CMTM8: variants seen among roughly 807,000 people sequenced by gnomAD.
The protein encoded by CMTM8 is CKLF like MARVEL transmembrane domain containing 8, also known as CKLF-like MARVEL transmembrane domain-containing protein 8.
CMTM8 carries 12 observed loss-of-function variants against 18.6 expected under a neutral mutation model. That is an observed-to-expected ratio of 0.65 (90% CI 0.41 to 1.05). CMTM8 has a LOEUF of 1.05. Ranked by LOEUF, CMTM8 falls within the 50% of genes least tolerant of loss-of-function variation. The pLI, the probability that CMTM8 is intolerant of heterozygous loss-of-function variation, is 0.00. For missense variants in CMTM8, 217 were observed against 227.2 expected, an observed-to-expected ratio of 0.95 and a Z score of 0.29; for synonymous variants, 87 against 90.6, an observed-to-expected ratio of 0.96 and a Z score of 0.23.
chr3:32,344,341 T>C (rs573678348), intron 1 of CMTM8, among the ~76,000 whole-genome samples: 122 of 152,304 alleles, frequency 8.0e-4, no homozygotes, highest in African/African-American at 2.7e-3. Flanking sequence ...GAGTACATTT[T>C]CAATAATGGT....
intron 1 of CMTM8, among the ~76,000 whole-genome samples, chr3:32,290,076 T>C: frequency 6.6e-6 from 1 of 152,124 alleles, no homozygotes; most frequent in Non-Finnish European, 1.5e-5. Context: ...ATTGTGCCAT[T>C]GTACTGCAGC....
At chr3:32,348,545 A>ATTTTTTT (rs1696646433) in intron 1 of CMTM8, among the ~76,000 whole-genome samples, 1 of 4,800 alleles carries the variant, frequency 2.1e-4, no homozygotes, top group Admixed American at 2.2e-3. Flanking sequence ...TTTTTTTTGG[A>ATTTTTTT]GACAAGATCT....
intron 2 of CMTM8, among the ~76,000 whole-genome samples, chr3:32,359,185 C>CCAGA (rs1276931343): frequency 3.9e-5 from 6 of 152,222 alleles, no homozygotes; most frequent in African/African-American, 1.2e-4. Context: ...ATAGTAAGTA[C>CCAGA]TGTAGTCGTC....
intron 1 of CMTM8, among the ~76,000 whole-genome samples, chr3:32,328,370 CAAAAAAAAAAAAAAA>C (rs796201249): frequency 1.3e-5 from 1 of 74,790 alleles, no homozygotes; most frequent in Non-Finnish European, 2.4e-5. Flanking sequence ...ACCCTGTCTC[CAAAAAAAAAAAAAAA>C]AAAAAAAAAA....
intron 1 of CMTM8, among the ~76,000 whole-genome samples, chr3:32,354,789 A>C (rs1273271610): frequency 6.6e-6 from 1 of 152,192 alleles, no homozygotes; most frequent in African/African-American, 2.4e-5. Flanking sequence ...CATTACATCT[A>C]TTACCAGTCT....
At position 32,369,939 on chromosome 3, in the gene CMTM8, T is replaced by C; in HGVS notation, c.494T>C (p.Ile165Thr). The C allele has an allele frequency of 6.2e-7, 1 of 1,608,110 alleles. No individual in the cohort carries two copies. Among genetic ancestry groups the C allele is most frequent in the Non-Finnish European group, 8.5e-7 (1 of 1,175,386 alleles). Residue 165 changes from isoleucine (I) to threonine (T), a missense_variant, in exon 4 of 4, where the codon ATA becomes ACA. Coordinates refer to ENST00000307526, the MANE Select transcript of CMTM8 (RefSeq NM_178868.5). Reference protein sequence around the residue: ...CYAGNTYFSFIAWRSRTIQ With the variant: ...CYAGNTYFSFTAWRSRTIQ ...GCTGGAAATACATATTTCAGTTTTA[T>C]AGCATGGAGATCCAGGACCATACAG...
intron 1 of CMTM8, among the ~76,000 whole-genome samples, chr3:32,349,568 A>G (rs73824696): frequency 6.6e-6 from 1 of 152,062 alleles, no homozygotes; most frequent in African/African-American, 2.4e-5. Flanking sequence ...CCAGAGAACA[A>G]TTGGCAATAT....
chr3:32,351,289 C>T (rs1211340040), intron 1 of CMTM8, among the ~76,000 whole-genome samples: 1 of 152,160 alleles, frequency 6.6e-6, no homozygotes, highest in Non-Finnish European at 1.5e-5. Flanking sequence ...ATATATAGAA[C>T]TCAATGCTAG....
chr3:32,343,513 C>G (rs894881833), intron 1 of CMTM8, among the ~76,000 whole-genome samples: 5 of 152,202 alleles, frequency 3.3e-5, no homozygotes, highest in Admixed American at 6.5e-5. Flanking sequence ...TCTCATTCAC[C>G]TATTTGTCTC....
In CMTM8 at chr3:32,347,297, G is replaced by GTTTTTTTTTTTT. The variant is rs56826485; in HGVS notation, c.148-10075_148-10064dup. ...TTGGTTTTTGGTTTTTTTTGCTTAG[G>GTTTTTTTTTTTT]TTTTTTTTTTTTGGCGTTAGTTCTC... On this transcript the variant is annotated intron_variant, in intron 1 of 3. Coordinates refer to ENST00000307526, the MANE Select transcript of CMTM8 (RefSeq NM_178868.5). Among the ~76,000 whole-genome samples the GTTTTTTTTTTTT allele has an allele frequency of 1.5e-4, 20 of 136,538 alleles. 1 individual carries two copies. Among genetic ancestry groups the GTTTTTTTTTTTT allele is most frequent in the East Asian group, 6.9e-4 (3 of 4,332 alleles). The allele number at this position is 136,538 out of a possible 152,430, so 89.6% of individuals were successfully genotyped here.
chr3:32,279,410 T>C (rs1340268342), intron 1 of CMTM8, among the ~76,000 whole-genome samples: 8 of 115,068 alleles, frequency 7.0e-5, no homozygotes, highest in African/African-American at 2.8e-4. Flanking sequence ...TTCCCACCTA[T>C]GAGTGAGAAT....
At chr3:32,255,796 C>T (rs1702167908) in intron 1 of CMTM8, among the ~76,000 whole-genome samples, 1 of 152,110 alleles carries the variant, frequency 6.6e-6, no homozygotes, top group Admixed American at 6.6e-5. Flanking sequence ...ATGATCTTGG[C>T]TCACTGCAGC....
chr3:32,248,483 T>C (rs972884424), intron 1 of CMTM8, among the ~76,000 whole-genome samples: 1 of 152,110 alleles, frequency 6.6e-6, no homozygotes, highest in Non-Finnish European at 1.5e-5. Context: ...TGCCTCAGCC[T>C]CCTGAGTAGC....
intron 1 of CMTM8, among the ~76,000 whole-genome samples, chr3:32,272,373 C>T (rs1702452343): frequency 6.6e-6 from 1 of 152,080 alleles, no homozygotes; most frequent in Non-Finnish European, 1.5e-5. Context: ...GGAAAATTAT[C>T]AGCCATTATC....
intron 1 of CMTM8, among the ~76,000 whole-genome samples, chr3:32,293,128 G>A (rs1702811881): frequency 6.6e-6 from 1 of 151,482 alleles, no homozygotes; most frequent in Admixed American, 6.6e-5. Flanking sequence ...ATATCCTAGA[G>A]ATCTCTGAAT....
intron 1 of CMTM8, among the ~76,000 whole-genome samples, chr3:32,299,954 A>G (rs941883899): frequency 1.3e-5 from 2 of 152,238 alleles, no homozygotes; most frequent in African/African-American, 2.4e-5. Flanking sequence ...GGATACAGCC[A>G]CTGTAGGTGC....
chr3:32,360,310 G>A (rs1430671732), intron 2 of CMTM8, among the ~76,000 whole-genome samples: 1 of 152,190 alleles, frequency 6.6e-6, no homozygotes, highest in Non-Finnish European at 1.5e-5. Context: ...CTGGGCTTTG[G>A]TGTGAACTCT....
chr3:32,260,293 GA>G (rs910766454), intron 1 of CMTM8: 130 of 749,248 alleles, frequency 1.7e-4, no homozygotes, highest in Middle Eastern at 3.8e-4. Flanking sequence ...GAGGTCATTG[GA>G]AAAAAAAAGT....
At chr3:32,273,558 A>G (rs932968076) in intron 1 of CMTM8, among the ~76,000 whole-genome samples, 2 of 152,202 alleles carry the variant, frequency 1.3e-5, no homozygotes, top group Non-Finnish European at 2.9e-5. Flanking sequence ...CCTTGAAAAC[A>G]TTATGCTAAG....
Sources: allele counts gnomAD v4.1 joint callset (sites outside exome capture counted in the v4.1 genomes callset), GRCh38; gene constraint gnomAD v4.1.1; transcripts MANE v1.5; gene names NCBI Gene and HGNC (gene_info 2026-07-23, HGNC 2026-07-21).